The following ZNF556 variants were observed in gnomAD, a reference collection of about 807,000 sequenced individuals.
ZNF556 encodes zinc finger protein 556.
In ZNF556, 11 loss-of-function variants were observed where a neutral mutation model predicts 13.6. That is an observed-to-expected ratio of 0.81 (90% CI 0.51 to 1.33). The LOEUF (loss-of-function observed/expected upper bound fraction) is 1.33, where lower values mean the gene tolerates loss of function less well. ZNF556 is among the 40% of genes most tolerant of loss of function. The probability of loss-of-function intolerance (pLI) is 0.00; values close to 1 mark genes in which losing one functional copy is unlikely to be tolerated. For missense variants in ZNF556, 633 were observed against 566.2 expected (o/e 1.12, Z -1.20); for synonymous variants, 229 against 207.8 (o/e 1.10, Z -0.88).
In ZNF556 at chr19:2,878,523, A is replaced by C; in HGVS notation, c.*194A>C. 1 of 482,968 alleles carries C rather than the reference A, an allele frequency of 2.1e-6. No individual in the cohort carries two copies. Among genetic ancestry groups the C allele is most frequent in the Non-Finnish European group, 3.6e-6 (1 of 279,084 alleles). 29.9% of individuals were successfully genotyped at this position (482,968 alleles called of 1,614,324 possible). On this transcript the variant is annotated 3_prime_UTR_variant, in exon 4 of 4. Coordinates refer to ENST00000307635, the MANE Select transcript of ZNF556 (RefSeq NM_024967.3). ...TCTACTAAAAAAAAAAAAAATACAA[A>C]AAATTAGCCGGGCGTGGTGGCGGGC...
rs759844385 is a variant in ZNF556, at chr19:2,878,083, TGGGAAA to T, written c.1126_1131del (p.Gly376_Lys377del). 4 of 1,613,912 alleles carry T rather than the reference TGGGAAA, an allele frequency of 2.5e-6. No homozygotes were observed. In the African/African-American group the frequency reaches 5.3e-5, roughly 22 times the overall value. ...AGAAAGTCTATAAATGTGAAACGTG[TGGGAAA>T]ACGTATGGTTGGTCCTCATCTTTAC... On this transcript the variant is annotated inframe_deletion, in exon 4 of 4. Coordinates refer to ENST00000307635, the MANE Select transcript of ZNF556 (RefSeq NM_024967.3).
Position 2,878,163 on chromosome 19 carries a change from G to T in ZNF556, c.1205G>T (p.Ser402Ile), listed in dbSNP as rs767052039. Residue 402 changes from serine to isoleucine, a missense_variant, in exon 4 of 4, where the codon AGT becomes ATT. Coordinates refer to ENST00000307635, the MANE Select transcript of ZNF556 (RefSeq NM_024967.3). The stretch of plus-strand genomic sequence containing the variant: ...GGGGAGAAACCTGTAAATGCAGCCA[G>T]TGTGGGAAAACCTTCAGGCGGGCTT... ...HTGEKPVNAA[S>I]VGKPSGGLCS... 1 of 1,614,180 alleles carries T rather than the reference G, an allele frequency of 6.2e-7. No individual in the cohort carries two copies. The highest frequency in any genetic ancestry group is 8.5e-7 in the Non-Finnish European group (1 of 1,180,040).
Position 2,881,310 on chromosome 19 carries a change from C to T in ZNF556, c.*2981C>T, listed in dbSNP as rs887440695. On this transcript the variant is annotated 3_prime_UTR_variant, in exon 4 of 4. Coordinates refer to ENST00000307635, the MANE Select transcript of ZNF556 (RefSeq NM_024967.3). ...ATTGGAGCCCAGTAGCAATGGCTCA[C>T]GCCTGTAATCCCAGGACCCACCGAG... is the stretch of plus-strand genomic sequence containing the variant. 3.3e-5 allele frequency: 5 copies of T among 152,088 alleles called. No individual in the cohort carries two copies. The highest frequency in any genetic ancestry group is 7.2e-5 in the African/African-American group (3 of 41,408). 9.4% of individuals were successfully genotyped at this position (152,088 alleles called of 1,614,324 possible).
chr19:2,877,247 A>G lies in ZNF556; in HGVS notation c.315-26A>G, dbSNP rs751881808. 15 of 1,549,370 alleles carry G rather than the reference A, an allele frequency of 9.7e-6. No individual in the cohort carries two copies. In the African/African-American group the frequency reaches 1.7e-4, roughly 17 times the overall value. On this transcript the variant is annotated intron_variant, in intron 3 of 3. Transcript: ENST00000307635. Reference sequence around the variant, plus strand: ...AAAAGAAATTATTAAGGCATAAACCATTAATAATGTGCTACCCATTTTTAG... The same window carrying G: ...AAAAGAAATTATTAAGGCATAAACCGTTAATAATGTGCTACCCATTTTTAG...
Position 2,880,487 on chromosome 19 carries a change from G to A in ZNF556, c.*2158G>A, listed in dbSNP as rs1384480689. ...GGTGACTTTAAAAATGATACTTCTG[G>A]GCCAGGCACAGTGGCTCACGCCTGT... On this transcript the variant is annotated 3_prime_UTR_variant, in exon 4 of 4. Coordinates refer to ENST00000307635, the MANE Select transcript of ZNF556 (RefSeq NM_024967.3). 6.6e-6 allele frequency: 1 copy of A among 152,082 alleles called. No homozygotes were observed. Among genetic ancestry groups the A allele is most frequent in the Non-Finnish European group, 1.5e-5 (1 of 68,032 alleles). The allele number at this position is 152,082 out of a possible 1,614,324, so 9.4% of individuals were successfully genotyped here.
chr19:2,872,792 C>G (rs12982979), intron 1 of ZNF556, among the ~76,000 whole-genome samples: 1 of 139,732 alleles, frequency 7.2e-6, no homozygotes, highest in African/African-American at 2.7e-5. Context: ...GCACTCCAGT[C>G]TGGGTGACAG....
At chr19:2,872,582 T>C (rs2087812712) in intron 1 of ZNF556, among the ~76,000 whole-genome samples, 1 of 152,148 alleles carries the variant, frequency 6.6e-6, no homozygotes, top group African/African-American at 2.4e-5. Context: ...AAGATCTATA[T>C]CTGGTATAAC....
intron 1 of ZNF556, among the ~76,000 whole-genome samples, chr19:2,867,972 A>G (rs2087771460): frequency 6.6e-6 from 1 of 152,188 alleles, no homozygotes; most frequent in South Asian, 2.1e-4. Flanking sequence ...TGAGCCTCAG[A>G]TTTTTTCAGT....
At chr19:2,867,503 T>A (rs1306415383) in intron 1 of ZNF556, 79 bp downstream of exon 1, 2 of 1,553,204 alleles carry the variant, frequency 1.3e-6, no homozygotes, top group Non-Finnish European at 1.7e-6. Context: ...ACGCTGAAAC[T>A]CCCGGGGGAG....
chr19:2,871,038 CAA>C (rs57295849), intron 1 of ZNF556, among the ~76,000 whole-genome samples: 25 of 128,982 alleles, frequency 1.9e-4, no homozygotes, highest in African/African-American at 4.1e-4. Context: ...GACTCTATCT[CAA>C]AAAAAAAAAA....
chr19:2,872,153 C>T lies in ZNF556; in HGVS notation c.4-1343C>T, dbSNP rs1177496576. Among the ~76,000 whole-genome samples, 5 of 152,160 alleles carry T rather than the reference C, an allele frequency of 3.3e-5. 1 individual carries two copies. The South Asian group carries it at 8.3e-4, about 25-fold the overall frequency. On this transcript the variant is annotated intron_variant, in intron 1 of 3. Coordinates refer to ENST00000307635, the MANE Select transcript of ZNF556 (RefSeq NM_024967.3). ...GTATCACAGGGAGGCGGTTAGGCCT[C>T]GGGATAACTGCGGGCGGGCCTGACT... is the stretch of plus-strand genomic sequence containing the variant.
At chr19:2,868,111 C>G (rs1342090519) in intron 1 of ZNF556, among the ~76,000 whole-genome samples, 1 of 147,458 alleles carries the variant, frequency 6.8e-6, no homozygotes, top group Non-Finnish European at 1.5e-5. Flanking sequence ...TTTTTTTTTT[C>G]TTTTTATTTT....
Position 2,877,752 on chromosome 19 carries a change from G to A in ZNF556, c.794G>A (p.Gly265Glu). The change falls in exon 4 of 4, where the codon GGG (glycine) becomes GAG (glutamate). Residue 265 changes from glycine to glutamate, a missense_variant. By Grantham distance (98) the Gly-to-Glu change is moderately conservative. Transcript: ENST00000307635. ...AGACCGTATGAGTGCAAGCACTGTGGGAAAGCCTTCAGGTGTCAGAAATCC... is the reference window on the plus strand; with the variant it reads ...AGACCGTATGAGTGCAAGCACTGTGAGAAAGCCTTCAGGTGTCAGAAATCC... ...GGRPYECKHC[G>E]KAFRCQKSFR... The A allele has an allele frequency of 5.0e-6, 8 of 1,613,452 alleles. No homozygotes were observed. Among genetic ancestry groups the A allele is most frequent in the Non-Finnish European group, 6.8e-6 (8 of 1,179,668 alleles).
intron 1 of ZNF556, among the ~76,000 whole-genome samples, chr19:2,868,862 G>A (rs1380401364): frequency 2.0e-5 from 3 of 151,752 alleles, no homozygotes; most frequent in African/African-American, 4.8e-5. Flanking sequence ...GGGATTACAG[G>A]CACGTGTGGC....
chr19:2,869,916 C>T (rs557122815), intron 1 of ZNF556, among the ~76,000 whole-genome samples: 15 of 152,216 alleles, frequency 9.9e-5, no homozygotes, highest in African/African-American at 3.6e-4. Context: ...CACTTCCTGT[C>T]ACTCGACCCC....
At chr19:2,873,146 A>AAT (rs386388387) in intron 1 of ZNF556, among the ~76,000 whole-genome samples, 4 of 151,826 alleles carry the variant, frequency 2.6e-5, no homozygotes, top group Non-Finnish European at 5.9e-5. Flanking sequence ...AAAAAAAAAA[A>AAT]ATGAAATGTA....
rs1316583228 is a variant in ZNF556 at position 2,881,175 on chromosome 19, C to T, written c.*2846C>T. On this transcript the variant is annotated 3_prime_UTR_variant, in exon 4 of 4. Coordinates refer to ENST00000307635, the MANE Select transcript of ZNF556 (RefSeq NM_024967.3). The stretch of plus-strand genomic sequence containing the variant: ...GCCACCGCGCCCAGCCTAATAAATT[C>T]TTGTTTATTCATAATGACAAAAACT... The T allele has an allele frequency of 2.0e-5, 3 of 151,992 alleles. No homozygotes were observed. The highest frequency in any genetic ancestry group is 7.2e-5 in the African/African-American group (3 of 41,388). 9.4% of individuals were successfully genotyped at this position (151,992 alleles called of 1,614,324 possible).
In ZNF556 at chr19:2,877,564, C is replaced by G. The variant is rs765618140; in HGVS notation, c.606C>G (p.Pro202=). The change falls in exon 4 of 4, where the codon CCC becomes CCG. Residue 202 remains proline (P), a synonymous_variant. Coordinates refer to ENST00000307635, the MANE Select transcript of ZNF556 (RefSeq NM_024967.3). ...AGAAAACTCACAGTGGAGAGAAACCCTATGCCTGTCAATCTTGCGGGAAGA... is the reference window on the plus strand; with the variant it reads ...AGAAAACTCACAGTGGAGAGAAACCGTATGCCTGTCAATCTTGCGGGAAGA... The part of the protein sequence containing the change: ...THEKTHSGEK[P]YACQSCGKTF... The G allele has an allele frequency of 3.1e-6, 5 of 1,614,154 alleles. No homozygotes were observed. The highest frequency in any genetic ancestry group is 1.3e-5 in the African/African-American group (1 of 75,026).
Position 2,872,706 on chromosome 19 carries a change from CT to C in ZNF556, c.4-789del, listed in dbSNP as rs1599579071. 1.1e-4 allele frequency among the ~76,000 whole-genome samples: 17 copies of C among 151,632 alleles called. No individual in the cohort carries two copies. The East Asian group carries it at 2.9e-3, about 26-fold the overall frequency. On this transcript the variant is annotated intron_variant, in intron 1 of 3. Coordinates refer to ENST00000307635, the MANE Select transcript of ZNF556 (RefSeq NM_024967.3). ...TGGTGGCGGGCACCTGTAATCCCAG[CT>C]ACTCAGGAGGCTGAGGCAGGAGAAT...
Sources: allele counts gnomAD v4.1 joint callset (sites outside exome capture counted in the v4.1 genomes callset), GRCh38; gene constraint gnomAD v4.1.1; transcripts MANE v1.5; gene names NCBI Gene and HGNC (gene_info 2026-07-23, HGNC 2026-07-21).